The following CAMKMT variants were observed in gnomAD, a reference collection of about 807,000 sequenced individuals.
The protein encoded by CAMKMT is CaM KMT.
Under a neutral mutation model 48.0 loss-of-function variants are expected in CAMKMT, and 53 were observed. That is an observed-to-expected ratio of 1.10 (90% CI 0.89 to 1.39). The LOEUF is 1.39. Ranked by LOEUF, CAMKMT falls within the 40% of genes most tolerant of loss-of-function variation. The pLI is 0.00. For missense variants in CAMKMT, 428 were observed against 402.7 expected (o/e 1.06, Z -0.54); for synonymous variants, 165 against 152.3 (o/e 1.08, Z -0.61).
chr2:44,588,335 G>A (rs1390592096), intron 3 of CAMKMT, among the ~76,000 whole-genome samples: 6 of 81,462 alleles, frequency 7.4e-5, no homozygotes, highest in Admixed American at 1.3e-4. Context: ...CCGGCCAGCC[G>A]CCCCGTCCGG....
intron 3 of CAMKMT, among the ~76,000 whole-genome samples, chr2:44,568,906 G>T (rs1222697527): frequency 1.3e-5 from 2 of 152,188 alleles, no homozygotes; most frequent in Non-Finnish European, 2.9e-5. Context: ...AGAAGTGGAA[G>T]CATGCAAGCT....
chr2:44,637,389 G>A (rs559842295), intron 3 of CAMKMT, among the ~76,000 whole-genome samples: 9 of 152,048 alleles, frequency 5.9e-5, no homozygotes, highest in African/African-American at 1.9e-4. Context: ...AGAATTTTTT[G>A]CACTGAATGC....
chr2:44,543,154 A>G (rs1162495138), intron 3 of CAMKMT, among the ~76,000 whole-genome samples: 3 of 152,160 alleles, frequency 2.0e-5, no homozygotes, highest in Non-Finnish European at 4.4e-5. Context: ...CAACTGGGGC[A>G]CACTTTCTCC....
chr2:44,380,835 A>G (rs1680166005), intron 2 of CAMKMT, among the ~76,000 whole-genome samples: 1 of 152,150 alleles, frequency 6.6e-6, no homozygotes, highest in Admixed American at 6.6e-5. Flanking sequence ...CCCCTTAAAA[A>G]GGTCATATGG....
At chr2:44,663,921 G>T (rs1674818588) in intron 3 of CAMKMT, among the ~76,000 whole-genome samples, 1 of 151,914 alleles carries the variant, frequency 6.6e-6, no homozygotes. Context: ...AAAATTTATG[G>T]TAAGTGAGAT....
At chr2:44,696,607 G>T (rs1210195107) in intron 3 of CAMKMT, among the ~76,000 whole-genome samples, 1 of 152,112 alleles carries the variant, frequency 6.6e-6, no homozygotes, top group African/African-American at 2.4e-5. Context: ...TGAAAGCAGA[G>T]AATACGAAAA....
At chr2:44,593,599 A>G (rs1670453313) in intron 3 of CAMKMT, among the ~76,000 whole-genome samples, 1 of 152,142 alleles carries the variant, frequency 6.6e-6, no homozygotes, top group Admixed American at 6.6e-5. Context: ...TCTCCCAGGG[A>G]TAACTGTCCT....
chr2:44,550,325 G>A (rs1405290875), intron 3 of CAMKMT, among the ~76,000 whole-genome samples: 4 of 151,776 alleles, frequency 2.6e-5, no homozygotes, highest in Non-Finnish European at 5.9e-5. Flanking sequence ...GAGAGGTTGA[G>A]GATTCAGTGA....
chr2:44,560,048 G>C (rs1367573137), intron 3 of CAMKMT, among the ~76,000 whole-genome samples: 2 of 152,056 alleles, frequency 1.3e-5, no homozygotes, highest in African/African-American at 2.4e-5. Flanking sequence ...TAGCCCTCTT[G>C]CTTTGGCTAT....
At chr2:44,608,895 A>G (rs1486808257) in intron 3 of CAMKMT, among the ~76,000 whole-genome samples, 3 of 152,206 alleles carry the variant, frequency 2.0e-5, no homozygotes. Context: ...TGTTAGTTTC[A>G]GTATTTTAAG....
intron 3 of CAMKMT, among the ~76,000 whole-genome samples, chr2:44,464,313 A>C (rs1258724525): frequency 6.6e-6 from 1 of 152,210 alleles, no homozygotes; most frequent in Non-Finnish European, 1.5e-5. Context: ...CACAAGAATG[A>C]AGAAAAGTAA....
At chr2:44,554,454 C>A (rs115569947) in intron 3 of CAMKMT, among the ~76,000 whole-genome samples, 1 of 152,206 alleles carries the variant, frequency 6.6e-6, no homozygotes, top group South Asian at 2.1e-4. Context: ...AATAAATATT[C>A]GCCGGGCACA....
At chr2:44,693,692 A>G (rs1053565027) in intron 3 of CAMKMT, among the ~76,000 whole-genome samples, 5 of 152,228 alleles carry the variant, frequency 3.3e-5, no homozygotes, top group Non-Finnish European at 7.3e-5. Flanking sequence ...TCAGTGACAA[A>G]GCAGAAATGT....
At chr2:44,517,507 A>G (rs1670891747) in intron 3 of CAMKMT, among the ~76,000 whole-genome samples, 1 of 152,242 alleles carries the variant, frequency 6.6e-6, no homozygotes, top group African/African-American at 2.4e-5. Context: ...CTTTTTGCAC[A>G]GAACTCTCTA....
Position 44,726,004 on chromosome 2 carries a change from A to G in CAMKMT, c.623+10651A>G, listed in dbSNP as rs1388487577. Among the ~76,000 whole-genome samples, 3 of 152,290 alleles carry G rather than the reference A, an allele frequency of 2.0e-5. No individual in the cohort carries two copies. In the East Asian group the frequency reaches 5.8e-4, roughly 29 times the overall value. ...TTAAAACTGCCCCCCACCTTCTAAT[A>G]GTCTGCTGTGTCCATTGTTCACACA... On this transcript the variant is annotated intron_variant, in intron 7 of 10. Transcript: ENST00000378494.
At chr2:44,523,669 C>G (rs72879397) in intron 3 of CAMKMT, among the ~76,000 whole-genome samples, 1,677 of 151,812 alleles carry the variant, frequency 0.011, 20 homozygotes, top group African/African-American at 0.034. Flanking sequence ...AAAGGCTTAA[C>G]TGGGACCATA....
intron 3 of CAMKMT, among the ~76,000 whole-genome samples, chr2:44,687,615 TTAAAAG>T (rs1391372930): frequency 1.3e-5 from 2 of 152,188 alleles, no homozygotes; most frequent in African/African-American, 4.8e-5. Context: ...CAAAAAGTAT[TTAAAAG>T]AAAGAGAAAT....
chr2:44,669,131 A>C (rs759315538), intron 3 of CAMKMT, among the ~76,000 whole-genome samples: 2 of 152,310 alleles, frequency 1.3e-5, no homozygotes, highest in East Asian at 1.9e-4. Flanking sequence ...TACAATATAC[A>C]TATGTATCCC....
At chr2:44,551,629 A>G (rs1475553650) in intron 3 of CAMKMT, among the ~76,000 whole-genome samples, 2 of 152,220 alleles carry the variant, frequency 1.3e-5, no homozygotes, top group Non-Finnish European at 2.9e-5. Flanking sequence ...CCTGGGCTCT[A>G]TACCAAAGTA....
Sources: gnomAD v4.1 joint callset for allele counts (sites outside exome capture counted in the v4.1 genomes callset) on GRCh38, gnomAD v4.1.1 for gene constraint, MANE v1.5 for transcripts, NCBI Gene and HGNC (gene_info 2026-07-23, HGNC 2026-07-21) for gene names.